The following ADAMTSL3 variants were observed in gnomAD, a reference collection of about 807,000 sequenced individuals.
ADAMTSL3 encodes the protein ADAMTS like 3, also known as ADAMTS-like protein 3.
ADAMTSL3 carries 128 observed loss-of-function variants against 201.7 expected under a neutral mutation model. The ratio of observed to expected loss-of-function variants is 0.63; its 90% CI spans 0.55 to 0.73. ADAMTSL3 has a LOEUF of 0.73. ADAMTSL3 is among the 30% of genes least tolerant of loss of function. The pLI is 0.00. For synonymous variants in ADAMTSL3, 738 were observed against 748.4 expected (o/e 0.99, Z 0.23); for missense variants, 1,990 against 2,119.6 (o/e 0.94, Z 1.20).
intron 3 of ADAMTSL3, among the ~76,000 whole-genome samples, chr15:83,704,785 C>T (rs186876002): frequency 1.0e-3 from 152 of 152,328 alleles, no homozygotes; most frequent in African/African-American, 3.5e-3. Context: ...TCAGCTATCA[C>T]CACATTGATG....
At chr15:84,034,769 C>T (rs1363430358) in intron 28 of ADAMTSL3, among the ~76,000 whole-genome samples, 3 of 152,156 alleles carry the variant, frequency 2.0e-5, no homozygotes, top group African/African-American at 7.2e-5. Flanking sequence ...ATCAGCAGTT[C>T]CATCTGGCTG....
At chr15:83,917,433 ATG>A (rs1567235151) in intron 16 of ADAMTSL3, among the ~76,000 whole-genome samples, 1 of 151,960 alleles carries the variant, frequency 6.6e-6, no homozygotes, top group Non-Finnish European at 1.5e-5. Flanking sequence ...GTATGTATGT[ATG>A]TATGTATGTA....
At chr15:83,953,756 G>A (rs2066799893) in intron 19 of ADAMTSL3, among the ~76,000 whole-genome samples, 1 of 152,088 alleles carries the variant, frequency 6.6e-6, no homozygotes, top group South Asian at 2.1e-4. Flanking sequence ...TTGTTTGTCT[G>A]GGAAGACCTT....
chr15:83,994,586 G>GTTTTTTTTTTTTT (rs3045402), intron 23 of ADAMTSL3, among the ~76,000 whole-genome samples: 1 of 50,232 alleles, frequency 2.0e-5, no homozygotes, highest in African/African-American at 7.1e-5. Flanking sequence ...TTGTTTTTTC[G>GTTTTTTTTTTTTT]TTTTTTTTTT....
At chr15:83,902,921 T>C (rs550117731) in intron 15 of ADAMTSL3, among the ~76,000 whole-genome samples, 7 of 152,320 alleles carry the variant, frequency 4.6e-5, no homozygotes, top group Non-Finnish European at 1.5e-5. Flanking sequence ...TGAACCCCCA[T>C]GTCATGTTCA....
At chr15:83,753,761 T>G (rs1224782587) in intron 3 of ADAMTSL3, among the ~76,000 whole-genome samples, 2 of 152,204 alleles carry the variant, frequency 1.3e-5, no homozygotes, top group Non-Finnish European at 2.9e-5. Flanking sequence ...TTTCTATGGT[T>G]ATCTTGTGGT....
chr15:83,802,877 A>G (rs1370291966), intron 4 of ADAMTSL3, among the ~76,000 whole-genome samples: 2 of 152,214 alleles, frequency 1.3e-5, no homozygotes, highest in African/African-American at 2.4e-5. Flanking sequence ...GAGAAGCAAC[A>G]TAATCAGGAA....
intron 2 of ADAMTSL3, among the ~76,000 whole-genome samples, chr15:83,662,683 G>A (rs1450699991): frequency 6.6e-6 from 1 of 151,856 alleles, no homozygotes; most frequent in Non-Finnish European, 1.5e-5. Context: ...GTCTGGGCTT[G>A]ACACATGGCT....
chr15:83,772,571 A>G (rs1299071156), intron 3 of ADAMTSL3, among the ~76,000 whole-genome samples: 1 of 152,042 alleles, frequency 6.6e-6, no homozygotes, highest in Non-Finnish European at 1.5e-5. Context: ...TTGGCCAACT[A>G]TGTTCATATG....
At chr15:83,774,113 T>A (rs2063032121) in intron 4 of ADAMTSL3, among the ~76,000 whole-genome samples, 1 of 152,244 alleles carries the variant, frequency 6.6e-6, no homozygotes, top group African/African-American at 2.4e-5. Context: ...AGCTTATTTT[T>A]AAAAATCTGT....
At chr15:83,910,458 G>A (rs946308549) in intron 15 of ADAMTSL3, among the ~76,000 whole-genome samples, 11 of 107,234 alleles carry the variant, frequency 1.0e-4, no homozygotes, top group East Asian at 6.3e-4. Context: ...TTTAGTTGCC[G>A]TGGGTTTTTT....
intron 9 of ADAMTSL3, among the ~76,000 whole-genome samples, chr15:83,884,384 C>G (rs1048802660): frequency 7.1e-6 from 1 of 141,124 alleles, no homozygotes; most frequent in African/African-American, 2.7e-5. Flanking sequence ...AAGACATTCT[C>G]CCACCTCAGC....
intron 2 of ADAMTSL3, among the ~76,000 whole-genome samples, chr15:83,691,299 C>G (rs561185927): frequency 2.6e-4 from 40 of 152,302 alleles, no homozygotes; most frequent in African/African-American, 9.4e-4. Flanking sequence ...TCCTGCCTGG[C>G]TTTCCTTCCG....
At chr15:83,780,132 G>A (rs934190562) in intron 4 of ADAMTSL3, among the ~76,000 whole-genome samples, 3 of 152,132 alleles carry the variant, frequency 2.0e-5, no homozygotes, top group East Asian at 1.9e-4. Flanking sequence ...TCAATGAGCC[G>A]GGTGTAGTGG....
At chr15:83,896,424 A>C (rs2065616243) in intron 13 of ADAMTSL3, among the ~76,000 whole-genome samples, 1 of 152,232 alleles carries the variant, frequency 6.6e-6, no homozygotes, top group South Asian at 2.1e-4. Flanking sequence ...AAATTATAAG[A>C]AATTACAAAT....
chr15:84,021,659 A>ACTG, intron 26 of ADAMTSL3, 66 bp downstream of exon 26: 1 of 1,546,758 alleles, frequency 6.5e-7, no homozygotes, highest in South Asian at 1.2e-5. Context: ...AGGTGCAGTG[A>ACTG]TTTGGACATA....
intron 3 of ADAMTSL3, among the ~76,000 whole-genome samples, chr15:83,719,779 C>CA (rs1013400928): frequency 2.6e-5 from 4 of 152,216 alleles, no homozygotes; most frequent in African/African-American, 9.6e-5. Flanking sequence ...ATCAACAAAA[C>CA]AAAAATGAAA....
chr15:83,748,154 C>T (rs541652850), intron 3 of ADAMTSL3, among the ~76,000 whole-genome samples: 1 of 152,180 alleles, frequency 6.6e-6, no homozygotes, highest in Non-Finnish European at 1.5e-5. Context: ...CTGCTCCTTT[C>T]TTCAGTGCCT....
At chr15:83,927,317 A>G (rs940273149) in intron 17 of ADAMTSL3, among the ~76,000 whole-genome samples, 5 of 151,972 alleles carry the variant, frequency 3.3e-5, no homozygotes, top group Admixed American at 6.6e-5. Context: ...GGATTTTGCC[A>G]TGTTGGCCAG....
Sources: allele counts gnomAD v4.1 joint callset (sites outside exome capture counted in the v4.1 genomes callset), GRCh38; gene constraint gnomAD v4.1.1; transcripts MANE v1.5; gene names NCBI Gene and HGNC (gene_info 2026-07-23, HGNC 2026-07-21).